The following GPC3 variants were observed in gnomAD, a reference collection of about 807,000 sequenced individuals.
The protein encoded by GPC3 is glypican 3.
Under a neutral mutation model 34.4 loss-of-function variants are expected in GPC3, and 3 were observed. That is an observed-to-expected ratio of 0.09 (90% CI 0.04 to 0.23). The LOEUF (loss-of-function observed/expected upper bound fraction) is 0.23, where lower values mean the gene tolerates loss of function less well. GPC3 is among the 10% of genes least tolerant of loss of function. GPC3 has a pLI of 1.00. For missense variants in GPC3, 351 were observed against 445.6 expected (o/e 0.79, Z 1.91); for synonymous variants, 177 against 174.0 (o/e 1.02, Z -0.13).
At chrX:133,803,174 C>T (rs892141800) in intron 2 of GPC3, among the ~76,000 whole-genome samples, 3 of 111,833 alleles carry the variant, frequency 2.7e-5, no homozygotes, top group Non-Finnish European at 3.8e-5. Flanking sequence ...ATCCGCCCAC[C>T]CTGGCCTCCC....
intron 3 of GPC3, among the ~76,000 whole-genome samples, chrX:133,747,418 C>T (rs1282929829): frequency 8.9e-6 from 1 of 111,752 alleles, no homozygotes; most frequent in Non-Finnish European, 1.9e-5. Context: ...TTTAGTACTT[C>T]ATTGGGAAAT....
chrX:133,727,445 G>C (rs1051313570), intron 3 of GPC3, among the ~76,000 whole-genome samples: 1 of 110,452 alleles, frequency 9.1e-6, no homozygotes, highest in African/African-American at 3.3e-5. Context: ...ACCTACTCAT[G>C]AGGCTGAGGC....
chrX:133,818,633 C>T (rs1046950003), intron 2 of GPC3, among the ~76,000 whole-genome samples: 2 of 111,433 alleles, frequency 1.8e-5, no homozygotes, highest in African/African-American at 6.5e-5. Flanking sequence ...GATTGGTTGT[C>T]CCCCAGAATA....
At chrX:133,619,833 G>A (rs2070210586) in intron 6 of GPC3, among the ~76,000 whole-genome samples, 2 of 110,576 alleles carry the variant, frequency 1.8e-5, no homozygotes, top group Admixed American at 1.9e-4. Context: ...ATAAAAAAAA[G>A]ACAACAAAAA....
At chrX:133,716,078 C>T (rs761154800) in intron 3 of GPC3, among the ~76,000 whole-genome samples, 13 of 112,128 alleles carry the variant, frequency 1.2e-4, no homozygotes, top group East Asian at 5.6e-4. Flanking sequence ...AAGACTTCAA[C>T]GGCTACACAT....
rs2069916931 is a variant in GPC3 at position 133,596,498 on chromosome X, G to A, written c.1515C>T (p.Cys505=). The stretch of plus-strand genomic sequence containing the variant: ...TCATTCCATCACCAGAGCCTCCAAT[G>A]CACTCATCTTCATCATCACCGCAGT... The part of the protein sequence containing the change: ...SGDCGDDEDE[C]IGGSGDGMIK... Residue 505 remains cysteine, a synonymous_variant, in exon 7 of 8, where the codon TGC becomes TGT. Coordinates refer to ENST00000370818, the MANE Select transcript of GPC3 (RefSeq NM_004484.4). The A allele has an allele frequency of 8.3e-7, 1 of 1,206,767 alleles. No homozygotes were observed. Among genetic ancestry groups the A allele is most frequent in the Non-Finnish European group, 1.1e-6 (1 of 890,996 alleles).
chrX:133,748,310 G>C (rs186242920), intron 3 of GPC3, among the ~76,000 whole-genome samples: 23 of 112,000 alleles, frequency 2.1e-4, no homozygotes, highest in Non-Finnish European at 3.4e-4. Flanking sequence ...TATATGTATT[G>C]CAAAATGGTA....
At chrX:133,710,126 T>C (rs747370848) in intron 3 of GPC3, among the ~76,000 whole-genome samples, 9 of 112,018 alleles carry the variant, frequency 8.0e-5, no homozygotes, top group Non-Finnish European at 1.5e-4. Flanking sequence ...AGAAATCAAG[T>C]GCTATTATTT....
intron 3 of GPC3, among the ~76,000 whole-genome samples, chrX:133,716,286 T>C (rs1226009148): frequency 9.0e-6 from 1 of 111,543 alleles, no homozygotes; most frequent in African/African-American, 3.3e-5. Context: ...TAAGAAAGCA[T>C]GGCCCATCCA....
chrX:133,707,231 G>A (rs2071226596), intron 3 of GPC3, among the ~76,000 whole-genome samples: 1 of 111,131 alleles, frequency 9.0e-6, no homozygotes, highest in African/African-American at 3.3e-5. Flanking sequence ...AAAGGGGCAT[G>A]GGCTAAAAAA....
rs191059105 is a variant in GPC3 at position 133,707,109 on chromosome X, A to G, written c.1033-7081T>C. ...TAAGCAAAGTAATGCCGGGACAGAAAATCAAATACTGCATGTTCTCACTTA... is the reference window on the plus strand; with the variant it reads ...TAAGCAAAGTAATGCCGGGACAGAAGATCAAATACTGCATGTTCTCACTTA... On this transcript the variant is annotated intron_variant, in intron 3 of 7. Transcript: ENST00000370818. 1.1e-4 allele frequency among the ~76,000 whole-genome samples: 12 copies of G among 112,136 alleles called. No individual in the cohort carries two copies. The East Asian group carries it at 1.7e-3, about 16-fold the overall frequency.
In GPC3 at chrX:133,605,173, G is replaced by C. The variant is rs371848698; in HGVS notation, c.1414-8574C>G. Among the ~76,000 whole-genome samples the C allele has an allele frequency of 7.0e-4, 62 of 88,629 alleles. 1 individual carries two copies. The highest frequency in any genetic ancestry group is 3.5e-3 in the African/African-American group (59 of 16,964). 77.0% of individuals were successfully genotyped at this position (88,629 alleles called of 115,157 possible). On this transcript the variant is annotated intron_variant, in intron 6 of 7. Transcript: ENST00000370818. Reference sequence around the variant, plus strand: ...ATGGCTATATATGCACTTCACACGTGGGGGGGGGGCAATAAAGTATAGCAG... The same window carrying C: ...ATGGCTATATATGCACTTCACACGTCGGGGGGGGGCAATAAAGTATAGCAG...
chrX:133,685,769 T>C (rs1398238634), intron 5 of GPC3, among the ~76,000 whole-genome samples: 1 of 108,219 alleles, frequency 9.2e-6, no homozygotes, highest in Non-Finnish European at 1.9e-5. Flanking sequence ...TTTTTTTTTT[T>C]TTTTTTAAGA....
chrX:133,624,916 C>A (rs1200104471), intron 6 of GPC3, among the ~76,000 whole-genome samples: 10 of 111,295 alleles, frequency 9.0e-5, no homozygotes, highest in Admixed American at 2.9e-4. Context: ...AAAATCCTCA[C>A]TAAAATACTG....
Position 133,751,878 on chromosome X carries a change from T to A in GPC3, c.1032+1604A>T, listed in dbSNP as rs968757978. Among the ~76,000 whole-genome samples, 3 of 105,921 alleles carry A rather than the reference T, an allele frequency of 2.8e-5. No individual in the cohort carries two copies. In the Admixed American group the frequency reaches 2.9e-4, roughly 10 times the overall value. The allele number at this position is 105,921 out of a possible 115,157, so 92.0% of individuals were successfully genotyped here. ...ATATATTTCTTTCTCTCTCTTGTTT[T>A]TTTTGTTTTTGTTTTTGTTTTTGTT... is the stretch of plus-strand genomic sequence containing the variant. On this transcript the variant is annotated intron_variant, in intron 3 of 7. Transcript: ENST00000370818.
intron 7 of GPC3, among the ~76,000 whole-genome samples, chrX:133,590,184 G>C (rs1203971344): frequency 3.6e-5 from 4 of 111,495 alleles, no homozygotes; most frequent in Admixed American, 2.9e-4. Context: ...TCTGCAACAT[G>C]AGGATGCAGG....
rs115999854 is a variant in GPC3, at chrX:133,904,974, T to C, written c.337+48076A>G. ...TTCTGGCCATTTGTACATGACCTTA[T>C]GGACACAGCAAAGAAAGCAAATTTA... On this transcript the variant is annotated intron_variant, in intron 2 of 7. Transcript: ENST00000370818. 8.6e-3 allele frequency among the ~76,000 whole-genome samples: 964 copies of C among 112,318 alleles called. 17 individuals are homozygous for C. The highest frequency in any genetic ancestry group is 0.03 in the African/African-American group (923 of 30,970).
At chrX:133,582,472 T>A (rs2069740607) in intron 7 of GPC3, among the ~76,000 whole-genome samples, 1 of 111,688 alleles carries the variant, frequency 9.0e-6, no homozygotes. Context: ...ACCTCCCTAC[T>A]CAATGTGTGG....
In GPC3 at chrX:133,687,201, C is replaced by T. The variant is rs780514766; in HGVS notation, c.1292+5168G>A. On this transcript the variant is annotated intron_variant, in intron 5 of 7. Coordinates refer to ENST00000370818, the MANE Select transcript of GPC3 (RefSeq NM_004484.4). Reference sequence around the variant, plus strand: ...TCGTGATCCGCCTGCCTCGGCCTCCCAAAGTGCTGGGATTACAGGCGTGAG... The same window carrying T: ...TCGTGATCCGCCTGCCTCGGCCTCCTAAAGTGCTGGGATTACAGGCGTGAG... 3.2e-4 allele frequency among the ~76,000 whole-genome samples: 33 copies of T among 102,293 alleles called. 1 individual carries two copies. In the South Asian group the frequency reaches 0.016, roughly 49 times the overall value. 88.8% of individuals were successfully genotyped at this position (102,293 alleles called of 115,157 possible). A position where few individuals can be genotyped will look rare whatever the true frequency, so the allele number is the denominator to read the frequency against.
Sources: allele counts gnomAD v4.1 joint callset (sites outside exome capture counted in the v4.1 genomes callset), GRCh38; gene constraint gnomAD v4.1.1; transcripts MANE v1.5; gene names NCBI Gene and HGNC (gene_info 2026-07-23, HGNC 2026-07-21).